ARAP1: variants seen among roughly 807,000 people sequenced by gnomAD.
The protein encoded by ARAP1 is ArfGAP with RhoGAP domain, ankyrin repeat and PH domain 1.
In ARAP1, 76 loss-of-function variants were observed where a neutral mutation model predicts 172.2. The observed-to-expected ratio is 0.44, with a 90% CI of 0.37 to 0.53. ARAP1 has a LOEUF of 0.53. ARAP1 is among the 20% of genes least tolerant of loss of function. ARAP1 has a pLI of 0.00. For missense variants in ARAP1, 1,686 were observed against 1,977.5 expected, an observed-to-expected ratio of 0.85 and a Z score of 2.80; for synonymous variants, 804 against 803.3, an observed-to-expected ratio of 1.00 and a Z score of -0.01.
rs997052121 is a variant in ARAP1, at chr11:72,703,411, G to C, written c.1993-332C>G. 6.3e-5 allele frequency: 11 copies of C among 173,530 alleles called. 2 individuals carry two copies. The South Asian group carries it at 9.2e-4, about 14-fold the overall frequency. The allele number at this position is 173,530 out of a possible 1,614,324, so 10.7% of individuals were successfully genotyped here. Reference sequence around the variant, plus strand: ...TCCTTCTGCCTTGTGGAGGAGCCGGGGGGGGGGTGTGCTTTGTAGCTAATT... The same window carrying C: ...TCCTTCTGCCTTGTGGAGGAGCCGGCGGGGGGGTGTGCTTTGTAGCTAATT... On this transcript the variant is annotated intron_variant, in intron 14 of 34. Transcript: ENST00000393609.
At position 72,726,917 on chromosome 11, in the gene ARAP1, G is replaced by A. The variant is rs755697030; in HGVS notation, c.212C>T (p.Pro71Leu). ...TGGGGTGGGGCGGGGTGCAGGGGCC[G>A]GTGAGGTATGGGCACGGAGCAGGCC... is the stretch of plus-strand genomic sequence containing the variant. The part of the protein sequence containing the change: ...LAGLLRAHTS[P>L]APAPRPTPRP... The change falls in exon 3 of 35, where the codon CCG becomes CTG. Residue 71 changes from proline to leucine, a missense_variant. By Grantham distance (98) the Pro-to-Leu change is moderately conservative (BLOSUM62 -3). Coordinates refer to ENST00000393609, the MANE Select transcript of ARAP1 (RefSeq NM_001040118.3). The surrounding 1 kb of genome is among the most constrained non-coding windows in gnomAD (Gnocchi z 6.5). The A allele has an allele frequency of 8.1e-5, 128 of 1,589,592 alleles. No individual in the cohort carries two copies. Among genetic ancestry groups the A allele is most frequent in the Non-Finnish European group, 1.0e-4 (119 of 1,168,194 alleles).
intron 3 of ARAP1, chr11:72,722,182 G>GGAGAGA (rs10675016): frequency 1.0e-6 from 1 of 956,786 alleles, no homozygotes; most frequent in Non-Finnish European, 1.2e-6. Context: ...AAAGACAGAG[G>GGAGAGA]GAGAGAGAGA....
chr11:72,739,663 C>T (rs1366662442), intron 1 of ARAP1, among the ~76,000 whole-genome samples: 1 of 152,182 alleles, frequency 6.6e-6, no homozygotes, highest in Non-Finnish European at 1.5e-5. Flanking sequence ...AGCCTGGCAC[C>T]CAGATGACCA....
intron 1 of ARAP1, among the ~76,000 whole-genome samples, chr11:72,749,654 C>T (rs775819848): frequency 2.6e-5 from 4 of 152,062 alleles, no homozygotes; most frequent in South Asian, 2.1e-4. Flanking sequence ...GAGGCTGAGG[C>T]GGGCAGATCA....
chr11:72,711,647 G>A (rs919486093), intron 7 of ARAP1, 148 bp from the exon 8 acceptor site: 5 of 607,158 alleles, frequency 8.2e-6, no homozygotes, highest in Non-Finnish European at 1.5e-5. Flanking sequence ...CAAGAAGATG[G>A]ACTTTACAGC....
chr11:72,720,626 T>A (rs1181028511), intron 3 of ARAP1, among the ~76,000 whole-genome samples: 6 of 152,102 alleles, frequency 3.9e-5, no homozygotes, highest in Admixed American at 2.6e-4. Flanking sequence ...AAACTCTCCA[T>A]ACAGCAGTGC....
chr11:72,736,452 C>T (rs1340737617), intron 1 of ARAP1, among the ~76,000 whole-genome samples: 1 of 152,044 alleles, frequency 6.6e-6, no homozygotes, highest in Admixed American at 6.5e-5. Flanking sequence ...GCAACAGAGG[C>T]AAGTGCCTCA....
At chr11:72,705,928 C>G (rs768479067) in intron 12 of ARAP1, 38 bp from the exon 13 acceptor site, 2 of 1,606,640 alleles carry the variant, frequency 1.2e-6, no homozygotes, top group East Asian at 4.5e-5. Context: ...CACCTGGGCC[C>G]CCCCTTCACG....
intron 2 of ARAP1, among the ~76,000 whole-genome samples, chr11:72,730,286 T>C (rs1857824105): frequency 6.6e-6 from 1 of 152,146 alleles, no homozygotes; most frequent in South Asian, 2.1e-4. Flanking sequence ...CTAGGAAATA[T>C]GAATGTAAAA....
chr11:72,747,590 C>T (rs1042767234), intron 1 of ARAP1, among the ~76,000 whole-genome samples: 3 of 152,204 alleles, frequency 2.0e-5, no homozygotes, highest in Admixed American at 6.5e-5. Flanking sequence ...AGCGCCCTGC[C>T]GGGGTTCCAG....
chr11:72,712,731 C>T, intron 5 of ARAP1, 163 bp from the exon 6 acceptor site: 1 of 1,152,730 alleles, frequency 8.7e-7, no homozygotes, highest in East Asian at 2.4e-5. Context: ...GGAGACCACA[C>T]AGAGACCCAG....
intron 1 of ARAP1, among the ~76,000 whole-genome samples, chr11:72,749,872 A>C (rs1212494398): frequency 6.9e-6 from 1 of 143,958 alleles, no homozygotes; most frequent in Non-Finnish European, 1.5e-5. Flanking sequence ...CTCCGTCTCA[A>C]AAAAAAAAAA....
intron 1 of ARAP1, among the ~76,000 whole-genome samples, chr11:72,736,401 C>A (rs960418027): frequency 6.6e-6 from 1 of 152,004 alleles, no homozygotes; most frequent in African/African-American, 2.4e-5. Context: ...CATGACCAAA[C>A]CCAGCTAATT....
intron 3 of ARAP1, among the ~76,000 whole-genome samples, chr11:72,717,031 C>T (rs1033508172): frequency 3.3e-5 from 5 of 152,172 alleles, no homozygotes; most frequent in African/African-American, 1.2e-4. Flanking sequence ...TTGGTACCCC[C>T]GCAGCCCAGT....
In ARAP1 at chr11:72,710,080, G is replaced by T. The variant is rs554661168; in HGVS notation, c.1417-104C>A. 323 of 1,074,594 alleles carry T rather than the reference G, an allele frequency of 3.0e-4. 2 individuals carry two copies. In the African/African-American group the frequency reaches 3.6e-3, roughly 12 times the overall value. The allele number at this position is 1,074,594 out of a possible 1,614,324, so 66.6% of individuals were successfully genotyped here. A position where few individuals can be genotyped will look rare whatever the true frequency, so the allele number is the denominator to read the frequency against. ...GGTGGTGCAACTCAGGGACTGGGGG[G>T]GGTGCCCAGGAGGGAGACAGCAGGG... is the stretch of plus-strand genomic sequence containing the variant. On this transcript the variant is annotated intron_variant, in intron 10 of 34. Transcript: ENST00000393609. The surrounding 1 kb of genome is among the most constrained non-coding windows in gnomAD (Gnocchi z 4.3).
rs1489599496 is a variant in ARAP1, at chr11:72,711,064, C to T, written c.1170G>A (p.Val390=). 1.2e-6 allele frequency: 2 copies of T among 1,614,234 alleles called. No homozygotes were observed. Among genetic ancestry groups the T allele is most frequent in the Non-Finnish European group, 1.7e-6 (2 of 1,180,050 alleles). The change falls in exon 9 of 35, where the codon GTG becomes GTA. Residue 390 remains valine, a synonymous_variant. Coordinates refer to ENST00000393609, the MANE Select transcript of ARAP1 (RefSeq NM_001040118.3). The part of the protein sequence containing the change: ...VAAIGDQKFE[V]ITNNRTFAFR... The stretch of plus-strand genomic sequence containing the variant: ...AGGCAAAGGTTCGGTTGTTTGTGAT[C>T]ACTTCAAACTTCTGGTCCCCGATGG...
chr11:72,723,347 G>A (rs1857586975), intron 3 of ARAP1, among the ~76,000 whole-genome samples: 1 of 151,982 alleles, frequency 6.6e-6, no homozygotes, highest in African/African-American at 2.4e-5. Flanking sequence ...ATAATAGCAG[G>A]GGGTGCAGAC....
At chr11:72,704,000 G>T in intron 14 of ARAP1, 152 bp downstream of exon 14, 3 of 1,060,072 alleles carry the variant, frequency 2.8e-6, no homozygotes, top group Non-Finnish European at 4.1e-6. Flanking sequence ...CATGGCTTAG[G>T]CAGGGCCCTT....
intron 30 of ARAP1, chr11:72,688,769 T>A: frequency 4.0e-6 from 2 of 503,944 alleles, no homozygotes; most frequent in Non-Finnish European, 7.1e-6. Context: ...TATCAGACAG[T>A]CAACCCTCAG....
Sources: allele counts gnomAD v4.1 joint callset (sites outside exome capture counted in the v4.1 genomes callset), GRCh38; gene constraint gnomAD v4.1.1; non-coding constraint Gnocchi (gnomAD v3.1); transcripts MANE v1.5; gene names NCBI Gene and HGNC (gene_info 2026-07-23, HGNC 2026-07-21).